NBPF26: variants seen among roughly 807,000 people sequenced by gnomAD.
The protein encoded by NBPF26 is NBPF member 26, also known as NBPF family member NBPF26.
Under a neutral mutation model 119.6 loss-of-function variants are expected in NBPF26, and 79 were observed. The ratio of observed to expected loss-of-function variants is 0.66; its 90% CI spans 0.55 to 0.80. NBPF26 has a LOEUF of 0.80. Ranked by LOEUF, NBPF26 falls within the 30% of genes least tolerant of loss-of-function variation. The pLI, the probability that NBPF26 is intolerant of heterozygous loss-of-function variation, is 0.00. For missense variants in NBPF26, 800 were observed against 1,198.2 expected (o/e 0.67, Z 4.91); for synonymous variants, 299 against 457.7 (o/e 0.65, Z 4.43).
At chr1:120,799,923 CAAAT>C (rs1378363153) in intron 4 of NBPF26, among the ~76,000 whole-genome samples, 2 of 97,010 alleles carry the variant, frequency 2.1e-5, no homozygotes, top group African/African-American at 1.2e-4. Context: ...ATACCACTGA[CAAAT>C]AATAATATTA....
chr1:120,809,179 CA>C (rs1651788798), intron 7 of NBPF26, among the ~76,000 whole-genome samples: 2 of 135,560 alleles, frequency 1.5e-5, no homozygotes, highest in Non-Finnish European at 3.1e-5. Flanking sequence ...TCTGCAAAGG[CA>C]GACAAATTGT....
At chr1:120,805,912 A>C in intron 5 of NBPF26, 147 bp downstream of exon 5, 1 of 611,918 alleles carries the variant, frequency 1.6e-6, no homozygotes, top group South Asian at 1.9e-5. Context: ...ATTTTGTTAA[A>C]GTTGGAAGAC....
At position 120,777,802 on chromosome 1, in the gene NBPF26, A is replaced by G. The variant is rs1161733773; in HGVS notation, c.156-7172A>G. Among the ~76,000 whole-genome samples, 5 of 108,464 alleles carry G rather than the reference A, an allele frequency of 4.6e-5. 2 individuals are homozygous for G. Among genetic ancestry groups the G allele is most frequent in the African/African-American group, 2.3e-4 (4 of 17,380 alleles). 71.2% of individuals were successfully genotyped at this position (108,464 alleles called of 152,430 possible). On this transcript the variant is annotated intron_variant, in intron 2 of 29. Transcript: ENST00000620612. ...GCATGTTTTTAAAACAAAGTTGGTA[A>G]TTAGCATAACCTAGTTAGTTACCTT...
intron 2 of NBPF26, among the ~76,000 whole-genome samples, chr1:120,781,768 C>G (rs1222605716): frequency 8.7e-6 from 1 of 115,494 alleles, no homozygotes; most frequent in Non-Finnish European, 1.7e-5. Flanking sequence ...CTGTGTTAGC[C>G]AGGATGGTCT....
chr1:120,742,312 CGTGTGT>C (rs1209103933), intron 1 of NBPF26, among the ~76,000 whole-genome samples: 5 of 27,862 alleles, frequency 1.8e-4, no homozygotes, highest in African/African-American at 5.5e-4. Context: ...TGTGTGTGTG[CGTGTGT>C]GTGTGTGTGT....
rs1652005079 is a variant in NBPF26 at position 120,816,298 on chromosome 1, C to T, written c.2165+141C>T. On this transcript the variant is annotated intron_variant, in intron 13 of 29. Coordinates refer to ENST00000620612, the Ensembl canonical transcript of NBPF26. ...TATGTGAAATATAACCCAGCTTAGA[C>T]ACAGGGTGCGGTAGCTGTCATGTTT... 5.0e-5 allele frequency: 37 copies of T among 742,834 alleles called. 4 individuals carry two copies. In the South Asian group the frequency reaches 5.5e-4, roughly 11 times the overall value. 46.0% of individuals were successfully genotyped at this position (742,834 alleles called of 1,614,324 possible).
chr1:120,735,071 C>CT (rs1168288997), intron 1 of NBPF26, among the ~76,000 whole-genome samples: 7 of 63,986 alleles, frequency 1.1e-4, no homozygotes, highest in South Asian at 4.5e-4. Context: ...CTTGATTTTT[C>CT]TTTTTTTTTG....
intron 16 of NBPF26, among the ~76,000 whole-genome samples, chr1:120,822,605 G>A (rs1214798410): frequency 9.0e-6 from 1 of 111,446 alleles, no homozygotes; most frequent in East Asian, 2.1e-4. Flanking sequence ...TGAATTAAAT[G>A]TCTCTTGCCA....
rs1312700138 is a variant in NBPF26 at position 120,724,243 on chromosome 1, C to A, written c.66C>A (p.Pro22=). 16 of 1,401,792 alleles carry A rather than the reference C, an allele frequency of 1.1e-5. 3 individuals carry two copies. The Middle Eastern group carries it at 1.2e-3, about 104-fold the overall frequency. 86.8% of individuals were successfully genotyped at this position (1,401,792 alleles called of 1,614,324 possible). Residue 22 remains proline, a synonymous_variant, in exon 1 of 30, where the codon CCC becomes CCA. Coordinates refer to ENST00000620612, the Ensembl canonical transcript of NBPF26. ...CGCTCTGGCTGTGCTGGGCGGCCCC[C>A]GCGCATGGTGAGTATCGGGCTGAGG...
At position 120,784,505 on chromosome 1, in the gene NBPF26, C is replaced by T. The variant is rs1651400199; in HGVS notation, c.156-469C>T. The stretch of plus-strand genomic sequence containing the variant: ...TTCCCTTTCTCATGAATGTGTTTCC[C>T]TAAGATACCTGCATGATTACTCTCA... On this transcript the variant is annotated intron_variant, in intron 2 of 29. Transcript: ENST00000620612. Among the ~76,000 whole-genome samples, 5 of 116,754 alleles carry T rather than the reference C, an allele frequency of 4.3e-5. 1 individual carries two copies. The South Asian group carries it at 1.2e-3, about 29-fold the overall frequency. 76.6% of individuals were successfully genotyped at this position (116,754 alleles called of 152,430 possible). A position where few individuals can be genotyped will look rare whatever the true frequency, so the allele number is the denominator to read the frequency against.
Position 120,825,507 on chromosome 1 carries a change from T to C in NBPF26, c.2812+1361T>C, listed in dbSNP as rs1256608754. Among the ~76,000 whole-genome samples, 2 of 114,982 alleles carry C rather than the reference T, an allele frequency of 1.7e-5. No homozygotes were observed. Among genetic ancestry groups the C allele is most frequent in the Non-Finnish European group, 3.3e-5 (2 of 60,840 alleles). 75.4% of individuals were successfully genotyped at this position (114,982 alleles called of 152,430 possible). On this transcript the variant is annotated intron_variant, in intron 18 of 29. Coordinates refer to ENST00000620612, the Ensembl canonical transcript of NBPF26. ...GGCTTATTCTTTACTTTTTCCCACTTTTCCAGGCTCAGCGGGGAGCTGTTG... is the reference window on the plus strand; with the variant it reads ...GGCTTATTCTTTACTTTTTCCCACTCTTCCAGGCTCAGCGGGGAGCTGTTG...
chr1:120,762,553 A>G (rs1406364908), intron 1 of NBPF26, among the ~76,000 whole-genome samples: 1 of 109,230 alleles, frequency 9.2e-6, no homozygotes, highest in Non-Finnish European at 1.8e-5. Flanking sequence ...GCTTTCAGGT[A>G]TTTATACATT....
At chr1:120,767,740 G>A (rs1651209611) in intron 2 of NBPF26, among the ~76,000 whole-genome samples, 1 of 116,128 alleles carries the variant, frequency 8.6e-6, no homozygotes, top group South Asian at 2.5e-4. Context: ...GTTGTTGTTT[G>A]CTTCAGACTT....
At chr1:120,840,276 C>G in intron 29 of NBPF26, 74 bp from the exon 36 acceptor site, 1 of 1,441,636 alleles carries the variant, frequency 6.9e-7, no homozygotes, top group Non-Finnish European at 9.3e-7. Context: ...CCTTATGTTA[C>G]TTCTGAAATC....
At chr1:120,805,861 C>T (rs1165687492) in intron 5 of NBPF26, 96 bp downstream of exon 5, 2 of 1,016,930 alleles carry the variant, frequency 2.0e-6, no homozygotes, top group African/African-American at 2.8e-5. Context: ...AGAATTTCAT[C>T]CTTCCTGTAC....
At position 120,781,709 on chromosome 1, in the gene NBPF26, G is replaced by A. The variant is rs1429974735; in HGVS notation, c.156-3265G>A. ...CTCCCGAGTAGCTGGGACTACAGGC[G>A]CCTGCCACCACGCCTGGCTAATTTT... On this transcript the variant is annotated intron_variant, in intron 2 of 29. Coordinates refer to ENST00000620612, the Ensembl canonical transcript of NBPF26. Among the ~76,000 whole-genome samples, 72 of 82,896 alleles carry A rather than the reference G, an allele frequency of 8.7e-4. 14 individuals are homozygous for A. Among genetic ancestry groups the A allele is most frequent in the African/African-American group, 4.9e-3 (53 of 10,736 alleles). The allele number at this position is 82,896 out of a possible 152,430, so 54.4% of individuals were successfully genotyped here. A position where few individuals can be genotyped will look rare whatever the true frequency, so the allele number is the denominator to read the frequency against.
At chr1:120,822,033 T>C in intron 15 of NBPF26, 71 bp from the exon 16 acceptor site, 1 of 1,432,818 alleles carries the variant, frequency 7.0e-7, no homozygotes, top group South Asian at 1.2e-5. Context: ...CATCAGATCA[T>C]CTGGGAGGTT....
At position 120,807,743 on chromosome 1, in the gene NBPF26, A is replaced by G. The variant is rs1161076953; in HGVS notation, c.1064+34A>G. The G allele has an allele frequency of 8.4e-4, 862 of 1,028,828 alleles. 17 individuals are homozygous for G. The East Asian group carries it at 0.02, about 24-fold the overall frequency. 63.7% of individuals were successfully genotyped at this position (1,028,828 alleles called of 1,614,324 possible). Reference sequence around the variant, plus strand: ...ACCCCATGGGGGCAGGCAGGGGGGCAGGTGTGTAAATCTCTGAAGTACAGC... The same window carrying G: ...ACCCCATGGGGGCAGGCAGGGGGGCGGGTGTGTAAATCTCTGAAGTACAGC... On this transcript the variant is annotated intron_variant, in intron 6 of 29. Coordinates refer to ENST00000620612, the Ensembl canonical transcript of NBPF26.
At chr1:120,769,603 C>T (rs1651237944) in intron 2 of NBPF26, among the ~76,000 whole-genome samples, 1 of 122,158 alleles carries the variant, frequency 8.2e-6, no homozygotes, top group Non-Finnish European at 1.6e-5. Flanking sequence ...AAATACCTCT[C>T]ATAGAGTAAT....
Sources: gnomAD v4.1 joint callset for allele counts (sites outside exome capture counted in the v4.1 genomes callset) on GRCh38, gnomAD v4.1.1 for gene constraint, MANE v1.5 for transcripts, NCBI Gene and HGNC (gene_info 2026-07-23, HGNC 2026-07-21) for gene names.